KCNMA1: variants seen among roughly 807,000 people sequenced by gnomAD.
KCNMA1 encodes potassium calcium-activated channel subfamily M alpha 1, also known as Calcium-activated potassium channel subunit alpha-1.
In KCNMA1, 29 loss-of-function variants were observed where a neutral mutation model predicts 140.0. The ratio of observed to expected loss-of-function variants is 0.21; its 90% CI spans 0.15 to 0.28. The LOEUF is 0.28. KCNMA1 is among the 10% of genes least tolerant of loss of function. The pLI is 1.00. For missense variants in KCNMA1, 880 were observed against 1,602.2 expected, an observed-to-expected ratio of 0.55 and a Z score of 7.70; for synonymous variants, 612 against 611.9, an observed-to-expected ratio of 1.00 and a Z score of 0.00.
intron 2 of KCNMA1, among the ~76,000 whole-genome samples, chr10:77,378,705 A>C (rs2095272363): frequency 6.6e-6 from 1 of 152,212 alleles, no homozygotes; most frequent in African/African-American, 2.4e-5. Context: ...GGATGTTTAG[A>C]TGCCAAATAA....
chr10:77,447,964 A>C (rs976920768), intron 1 of KCNMA1, among the ~76,000 whole-genome samples: 2 of 152,206 alleles, frequency 1.3e-5, no homozygotes, highest in Non-Finnish European at 2.9e-5. Context: ...GTGCAATATA[A>C]ATAGCAGGGT....
intron 25 of KCNMA1, among the ~76,000 whole-genome samples, chr10:76,895,807 C>T (rs2042245942): frequency 6.6e-6 from 1 of 152,146 alleles, no homozygotes; most frequent in South Asian, 2.1e-4. Context: ...GGAGACATCA[C>T]ATGTCGGCGG....
rs138314985 is a variant in KCNMA1 at position 77,601,718 on chromosome 10, G to A, written c.378+35547C>T. Among the ~76,000 whole-genome samples, 376 of 152,192 alleles carry A rather than the reference G, an allele frequency of 2.5e-3. 1 individual carries two copies. Among genetic ancestry groups the A allele is most frequent in the African/African-American group, 8.4e-3 (347 of 41,520 alleles). ...CATTACCATGGTGTCTCCTCTCCCC[G>A]GGCCCTGGTAAGCACCAAGGCCACT... is the stretch of plus-strand genomic sequence containing the variant. On this transcript the variant is annotated intron_variant, in intron 1 of 27. Coordinates refer to ENST00000286628, the MANE Select transcript of KCNMA1 (RefSeq NM_001161352.2).
intron 2 of KCNMA1, among the ~76,000 whole-genome samples, chr10:77,363,086 T>C (rs1029665505): frequency 4.0e-5 from 6 of 151,522 alleles, no homozygotes; most frequent in African/African-American, 1.5e-4. Flanking sequence ...CTTACAATAT[T>C]GAGAGTAGTT....
intron 25 of KCNMA1, chr10:76,901,962 T>C (rs947822200): frequency 6.6e-6 from 1 of 152,262 alleles, no homozygotes; most frequent in African/African-American, 2.4e-5. Flanking sequence ...TGCACACCTA[T>C]CTCTTCAGGA....
intron 1 of KCNMA1, among the ~76,000 whole-genome samples, chr10:77,521,747 G>A (rs992660572): frequency 2.6e-5 from 4 of 152,158 alleles, no homozygotes; most frequent in Middle Eastern, 3.4e-3. Flanking sequence ...GTGATGACTC[G>A]GTTGAATGAA....
At chr10:77,124,082 C>T (rs561225496) in intron 5 of KCNMA1, among the ~76,000 whole-genome samples, 2 of 152,276 alleles carry the variant, frequency 1.3e-5, no homozygotes, top group South Asian at 4.2e-4. Context: ...CCTCAGGAAG[C>T]AAAACCATAG....
chr10:76,900,939 T>C (rs543095806), intron 25 of KCNMA1, among the ~76,000 whole-genome samples: 1 of 151,372 alleles, frequency 6.6e-6, no homozygotes, highest in African/African-American at 2.4e-5. Context: ...ATATAATAAG[T>C]TGCTACTTGT....
At chr10:76,990,681 T>C (rs2082481915) in intron 19 of KCNMA1, among the ~76,000 whole-genome samples, 1 of 152,196 alleles carries the variant, frequency 6.6e-6, no homozygotes, top group South Asian at 2.1e-4. Flanking sequence ...CCCTTCTCAG[T>C]AACATCTGTT....
chr10:77,269,260 T>C (rs878982756), intron 2 of KCNMA1, among the ~76,000 whole-genome samples: 2 of 152,232 alleles, frequency 1.3e-5, no homozygotes, highest in Admixed American at 6.5e-5. Context: ...AGCAAATCCA[T>C]ACTGAGTTGT....
In KCNMA1 at chr10:77,214,883, T is replaced by C. The variant is rs1386423861; in HGVS notation, c.603-29967A>G. On this transcript the variant is annotated intron_variant, in intron 3 of 27. Transcript: ENST00000286628. ...TGTTGGGCATCCTCTTGCCTTCACC[T>C]GGGGCACCTTCTCTCCTCTCCCTAC... is the stretch of plus-strand genomic sequence containing the variant. Among the ~76,000 whole-genome samples, 7 of 151,096 alleles carry C rather than the reference T, an allele frequency of 4.6e-5. No individual in the cohort carries two copies. In the East Asian group the frequency reaches 1.2e-3, roughly 26 times the overall value.
At chr10:77,586,711 C>G (rs1567712799) in intron 1 of KCNMA1, among the ~76,000 whole-genome samples, 1 of 152,100 alleles carries the variant, frequency 6.6e-6, no homozygotes, top group Non-Finnish European at 1.5e-5. Context: ...ATAATGATCC[C>G]ACAGGTGAAA....
chr10:77,152,788 G>A (rs965287203), intron 5 of KCNMA1, among the ~76,000 whole-genome samples: 17 of 152,204 alleles, frequency 1.1e-4, no homozygotes, highest in Admixed American at 2.0e-4. Context: ...AAGGGCAAGC[G>A]GGTCTGGGTT....
intron 25 of KCNMA1, among the ~76,000 whole-genome samples, chr10:76,906,376 T>G (rs146029465): frequency 6.6e-6 from 1 of 152,354 alleles, no homozygotes; most frequent in Non-Finnish European, 1.5e-5. Context: ...AAAAACCTAA[T>G]TATTCCCTCT....
chr10:77,342,786 T>C (rs1346524865), intron 2 of KCNMA1, among the ~76,000 whole-genome samples: 1 of 152,206 alleles, frequency 6.6e-6, no homozygotes, highest in Non-Finnish European at 1.5e-5. Flanking sequence ...ATTGGGCCCA[T>C]CACGGGGTGG....
intron 9 of KCNMA1, among the ~76,000 whole-genome samples, chr10:77,103,977 AG>A (rs2097150949): frequency 6.6e-6 from 1 of 152,184 alleles, no homozygotes; most frequent in Non-Finnish European, 1.5e-5. Context: ...AGCAGAATGG[AG>A]TCTCAAGAGA....
chr10:77,636,189 G>C (rs545517885), intron 1 of KCNMA1: 1 of 1,422,998 alleles, frequency 7.0e-7, no homozygotes, highest in African/African-American at 1.4e-5. Context: ...AAGGCAGCTG[G>C]CTCACTCTCT....
chr10:77,363,806 T>C (rs1442379299), intron 2 of KCNMA1, among the ~76,000 whole-genome samples: 2 of 152,170 alleles, frequency 1.3e-5, no homozygotes, highest in Admixed American at 6.5e-5. Flanking sequence ...TCAGCTCAAA[T>C]GTTGCCTCCT....
At chr10:77,549,099 A>T (rs1472894355) in intron 1 of KCNMA1, among the ~76,000 whole-genome samples, 3 of 152,232 alleles carry the variant, frequency 2.0e-5, no homozygotes, top group South Asian at 4.1e-4. Context: ...TTCATTGGGA[A>T]CTATTCTAAA....
Sources: allele counts gnomAD v4.1 joint callset (sites outside exome capture counted in the v4.1 genomes callset), GRCh38; gene constraint gnomAD v4.1.1; transcripts MANE v1.5; gene names NCBI Gene and HGNC (gene_info 2026-07-23, HGNC 2026-07-21).